The following PLEKHG2 variants were observed in gnomAD, a reference collection of about 807,000 sequenced individuals.
PLEKHG2 encodes pleckstrin homology domain-containing family G member 2.
Under a neutral mutation model 104.4 loss-of-function variants are expected in PLEKHG2, and 71 were observed. The ratio of observed to expected loss-of-function variants is 0.68; its 90% confidence interval spans 0.56 to 0.83. The LOEUF is 0.83. Ranked by LOEUF, PLEKHG2 falls within the 40% of genes least tolerant of loss-of-function variation. The pLI, the probability that PLEKHG2 is intolerant of heterozygous loss-of-function variation, is 0.00. For missense variants in PLEKHG2, 1,730 were observed against 1,809.4 expected (o/e 0.96, Z 0.80); for synonymous variants, 728 against 737.0 (o/e 0.99, Z 0.20).
Position 39,424,412 on chromosome 19 carries a change from C to T in PLEKHG2, c.3279C>T (p.Thr1093=), listed in dbSNP as rs957958845. The part of the protein sequence containing the change: ...SSLDPQGPGD[T]LPPLPCHLPD... Reference sequence around the variant, plus strand: ...TGGATCCCCAGGGCCCAGGCGACACCCTACCACCCTTGCCATGTCACCTCC... The same window carrying T: ...TGGATCCCCAGGGCCCAGGCGACACTCTACCACCCTTGCCATGTCACCTCC... The change falls in exon 19 of 19, where the codon ACC becomes ACT. Residue 1093 remains threonine (T), a synonymous_variant. Transcript: ENST00000425673. 1.2e-6 allele frequency: 2 copies of T among 1,614,132 alleles called. No individual in the cohort carries two copies. Among genetic ancestry groups the T allele is most frequent in the Non-Finnish European group, 1.7e-6 (2 of 1,180,026 alleles).
rs141423271 is a variant in PLEKHG2, at chr19:39,424,237, C to T, written c.3104C>T (p.Thr1035Ile). The T allele has an allele frequency of 7.4e-6, 12 of 1,614,192 alleles. No individual in the cohort carries two copies. Among genetic ancestry groups the T allele is most frequent in the South Asian group, 1.1e-5 (1 of 91,088 alleles). ...TGTTCTGATTTCACAGTTTCAGTCA[C>T]CACCCCTGTGCCCAAGCAAGAAGGT... ...EICSDFTVSVTTPVPKQEGHL... is the reference protein window; with the variant it reads ...EICSDFTVSVITPVPKQEGHL... The change falls in exon 19 of 19, where the codon ACC becomes ATC. Residue 1035 changes from threonine to isoleucine, a missense_variant. Physicochemically the swap from Thr to Ile is moderately conservative, Grantham distance 89. Transcript: ENST00000425673.
chr19:39,416,193 A>C lies in PLEKHG2; in HGVS notation c.480-155A>C, dbSNP rs2078599930. Among the ~76,000 whole-genome samples the C allele has an allele frequency of 6.6e-6, 1 of 152,092 alleles. No individual in the cohort carries two copies. The highest frequency in any genetic ancestry group is 2.4e-5 in the African/African-American group (1 of 41,400). Reference sequence around the variant, plus strand: ...TTACCATGCCCCGTGTAGCCCTCAGAGGACCCTTCCTCCGGACATGACATC... The same window carrying C: ...TTACCATGCCCCGTGTAGCCCTCAGCGGACCCTTCCTCCGGACATGACATC... On this transcript the variant is annotated intron_variant, in intron 4 of 18. Transcript: ENST00000425673. This position sits in a 1 kb window ranked among gnomAD's most constrained non-coding sequence, Gnocchi z 4.5.
intron 2 of PLEKHG2, among the ~76,000 whole-genome samples, chr19:39,414,591 GAGTGTAAGAAGAGGGGTGGC>G (rs1338962318): frequency 3.3e-5 from 5 of 152,364 alleles, no homozygotes; most frequent in African/African-American, 1.2e-4. Context: ...CTGGCATCCA[GAGTGTAAGAAGAGGGGTGGC>G]TGTGGGAAGA....
chr19:39,421,047 T>C, intron 14 of PLEKHG2, 28 bp from the exon 15 acceptor site: 1 of 1,614,024 alleles, frequency 6.2e-7, no homozygotes, highest in Non-Finnish European at 8.5e-7. Context: ...GGAGCTGGGC[T>C]CCTGACATCA....
chr19:39,418,033 C>T lies in PLEKHG2; in HGVS notation c.1011C>T (p.Leu337=). 6.4e-7 allele frequency: 1 copy of T among 1,556,708 alleles called. No individual in the cohort carries two copies. ...GPRLRGGERL[L]FLFSRMLLVA... is the part of the protein sequence containing the mutation. ...GGCTACGAGGGGGTGAGCGGCTGCT[C>T]TTCCTGTTCTCTCGGATGCTGCTGG... The change falls in exon 9 of 19, where the codon CTC becomes CTT. Residue 337 remains leucine, a synonymous_variant. Coordinates refer to ENST00000425673, the MANE Select transcript of PLEKHG2 (RefSeq NM_022835.3).
At position 39,423,875 on chromosome 19, in the gene PLEKHG2, C is replaced by T; in HGVS notation, c.2742C>T (p.Gly914=). The T allele has an allele frequency of 2.5e-6, 4 of 1,614,186 alleles. No homozygotes were observed. Among genetic ancestry groups the T allele is most frequent in the Middle Eastern group, 1.6e-4 (1 of 6,062 alleles). ...PLSKQGGSPD[G]QGLHVSNLPK... ...CAAAGCAGGGAGGCAGCCCGGATGG[C>T]CAGGGTCTACATGTTTCCAATTTGC... Residue 914 remains glycine, a synonymous_variant, in exon 19 of 19, where the codon GGC becomes GGT. Coordinates refer to ENST00000425673, the MANE Select transcript of PLEKHG2 (RefSeq NM_022835.3).
chr19:39,424,232 A>C lies in PLEKHG2; in HGVS notation c.3099A>C (p.Ser1033=). The C allele has an allele frequency of 8.1e-6, 13 of 1,614,118 alleles. No individual in the cohort carries two copies. Among genetic ancestry groups the C allele is most frequent in the Non-Finnish European group, 1.1e-5 (13 of 1,180,000 alleles). Residue 1033 remains serine, a synonymous_variant, in exon 19 of 19, where the codon TCA becomes TCC. Transcript: ENST00000425673. ...AGATTTGTTCTGATTTCACAGTTTC[A>C]GTCACCACCCCTGTGCCCAAGCAAG... ...PKEICSDFTV[S]VTTPVPKQEG... is the part of the protein sequence containing the mutation.
chr19:39,414,443 C>T lies in PLEKHG2; in HGVS notation c.109+248C>T, dbSNP rs537089926. Among the ~76,000 whole-genome samples the T allele has an allele frequency of 4.6e-5, 7 of 152,300 alleles. No individual in the cohort carries two copies. The East Asian group carries it at 5.8e-4, about 13-fold the overall frequency. ...AAGGTTCCTGGAGGTGGGAACATCT[C>T]AACTGGGAAGTGGAAGATTAGGGGG... On this transcript the variant is annotated intron_variant, in intron 2 of 18. Transcript: ENST00000425673.
chr19:39,414,138 G>T lies in PLEKHG2; in HGVS notation c.52G>T (p.Gly18Trp). ...CCTCTCCAAACCTAGCCCAAGCCTCGGGTGTGGCCGAAGAGGTGAAGTGTG... is the reference window on the plus strand; with the variant it reads ...CCTCTCCAAACCTAGCCCAAGCCTCTGGTGTGGCCGAAGAGGTGAAGTGTG... ...LSLSKPSPSLGCGRRGEVCDC... is the reference protein window; with the variant it reads ...LSLSKPSPSLWCGRRGEVCDC... The change falls in exon 2 of 19, where the codon GGG becomes TGG. Residue 18 changes from glycine (G) to tryptophan (W), a missense_variant. Coordinates refer to ENST00000425673, the MANE Select transcript of PLEKHG2 (RefSeq NM_022835.3). The T allele has an allele frequency of 6.4e-7, 1 of 1,551,514 alleles. No individual in the cohort carries two copies. The highest frequency in any genetic ancestry group is 1.2e-5 in the South Asian group (1 of 84,042).
At position 39,421,294 on chromosome 19, in the gene PLEKHG2, T is replaced by A; in HGVS notation, c.1498T>A (p.Phe500Ile). The A allele has an allele frequency of 6.2e-7, 1 of 1,613,800 alleles. No individual in the cohort carries two copies. Among genetic ancestry groups the A allele is most frequent in the Non-Finnish European group, 8.5e-7 (1 of 1,179,740 alleles). ...CTCTCCATCCTTAGCTAAGCCTGGA[T>A]TCAAGGTAAGAGATATCTCGAGATA... The part of the protein sequence containing the change: ...VMFPQNAKPG[F>I]KHAGSEGELY... The change falls in exon 16 of 19, where the codon TTC becomes ATC. Residue 500 changes from phenylalanine (F) to isoleucine (I), a missense_variant. Physicochemically the swap from Phe to Ile is conservative, Grantham distance 21. Transcript: ENST00000425673.
chr19:39,416,852 C>T lies in PLEKHG2; in HGVS notation c.596C>T (p.Ser199Phe). 1 of 1,603,600 alleles carries T rather than the reference C, an allele frequency of 6.2e-7. No homozygotes were observed. The highest frequency in any genetic ancestry group is 8.5e-7 in the Non-Finnish European group (1 of 1,175,542). Residue 199 changes from serine to phenylalanine, a missense_variant and splice_region_variant, in exon 7 of 19, where the codon TCC becomes TTC. Coordinates refer to ENST00000425673, the MANE Select transcript of PLEKHG2 (RefSeq NM_022835.3). The surrounding 1 kb of genome is among the most constrained non-coding windows in gnomAD (Gnocchi z 4.5). ...YTLYCMNYPSSLALLRELSLS... is the reference protein window; with the variant it reads ...YTLYCMNYPSFLALLRELSLS... ...ACTGACCTGTGCTGTGCCCCCAGCT[C>T]CCTGGCCCTGCTCCGGGAGCTGTCG...
In PLEKHG2 at chr19:39,416,933, C is replaced by G. The variant is rs763779951; in HGVS notation, c.677C>G (p.Ser226Trp). 66 of 1,613,420 alleles carry G rather than the reference C, an allele frequency of 4.1e-5. No individual in the cohort carries two copies. The East Asian group carries it at 1.4e-3, about 34-fold the overall frequency. ...LQERQAQLRH[S>W]LPLQSFLLKP... ...GAGCGCCAGGCCCAGCTTCGCCACTCGCTGCCCCTGCAGAGCTTCCTGCTG... is the reference window on the plus strand; with the variant it reads ...GAGCGCCAGGCCCAGCTTCGCCACTGGCTGCCCCTGCAGAGCTTCCTGCTG... Residue 226 changes from serine (S) to tryptophan (W), a missense_variant, in exon 7 of 19, where the codon TCG (serine) becomes TGG (tryptophan). Transcript: ENST00000425673. This position sits in a 1 kb window ranked among gnomAD's most constrained non-coding sequence, Gnocchi z 4.5.
chr19:39,420,906 C>T lies in PLEKHG2; in HGVS notation c.1400-43C>T, dbSNP rs760907602. On this transcript the variant is annotated intron_variant, in intron 13 of 18. Coordinates refer to ENST00000425673, the MANE Select transcript of PLEKHG2 (RefSeq NM_022835.3). ...CCCTCAGCCCCACTTCCCTAGGACC[C>T]GGGAGCTGGGCTCACACAGGGCTCT... is the stretch of plus-strand genomic sequence containing the variant. The T allele has an allele frequency of 1.1e-5, 18 of 1,613,830 alleles. No homozygotes were observed. In the Middle Eastern group the frequency reaches 6.6e-4, roughly 59 times the overall value.
Position 39,423,009 on chromosome 19 carries a change from A to C in PLEKHG2, c.1955A>C (p.Glu652Ala). ...PEIPSRCEIP[E>A]GSRLPSLSDI... Reference sequence around the variant, plus strand: ...ATTCCCAGCCGCTGTGAAATTCCCGAAGGTTCTCGCCTTCCTAGTCTCTCT... The same window carrying C: ...ATTCCCAGCCGCTGTGAAATTCCCGCAGGTTCTCGCCTTCCTAGTCTCTCT... Residue 652 changes from glutamate (E) to alanine (A), a missense_variant, in exon 18 of 19, where the codon GAA (glutamate) becomes GCA (alanine). Coordinates refer to ENST00000425673, the MANE Select transcript of PLEKHG2 (RefSeq NM_022835.3). 6.2e-7 allele frequency: 1 copy of C among 1,614,152 alleles called. No homozygotes were observed. Among genetic ancestry groups the C allele is most frequent in the Non-Finnish European group, 8.5e-7 (1 of 1,180,024 alleles).
chr19:39,418,880 C>T (rs970937296), intron 10 of PLEKHG2, 37 bp from the exon 11 acceptor site: 4 of 1,598,634 alleles, frequency 2.5e-6, no homozygotes, highest in Non-Finnish European at 3.4e-6. Flanking sequence ...CGAGACCTCA[C>T]ACCTGGCCCC....
At chr19:39,421,221 A>T in intron 15 of PLEKHG2, 62 bp from the exon 16 acceptor site, 1 of 1,612,442 alleles carries the variant, frequency 6.2e-7, no homozygotes, top group Non-Finnish European at 8.5e-7. Flanking sequence ...GTTATGGGGG[A>T]ATCACTCTTT....
chr19:39,421,370 C>A, intron 16 of PLEKHG2, 71 bp downstream of exon 16: 2 of 1,518,434 alleles, frequency 1.3e-6, no homozygotes, highest in Admixed American at 1.7e-5. Context: ...AGCTTGAGTT[C>A]CAAAATCCTG....
rs2078804453 is a variant in PLEKHG2, at chr19:39,428,243, T to C, written c.*2949T>C. 1 of 152,212 alleles carries C rather than the reference T, an allele frequency of 6.6e-6. No individual in the cohort carries two copies. The highest frequency in any genetic ancestry group is 6.5e-5 in the Admixed American group (1 of 15,270). 9.4% of individuals were successfully genotyped at this position (152,212 alleles called of 1,614,324 possible). ...TGAAATACATAAATAAATGTGCCTA[T>C]CCTGTGCCGGGTGCTGTTCTTGCCA... On this transcript the variant is annotated 3_prime_UTR_variant, in exon 19 of 19. Coordinates refer to ENST00000425673, the MANE Select transcript of PLEKHG2 (RefSeq NM_022835.3).
intron 10 of PLEKHG2, 25 bp downstream of exon 10, chr19:39,418,851 G>T: frequency 6.3e-7 from 1 of 1,599,090 alleles, no homozygotes. Context: ...GGATCAGGCT[G>T]GCAGGGATCC....
Sources: gnomAD v4.1 joint callset for allele counts (sites outside exome capture counted in the v4.1 genomes callset) on GRCh38, gnomAD v4.1.1 for gene constraint, Gnocchi (gnomAD v3.1) non-coding constraint, MANE v1.5 for transcripts, NCBI Gene and HGNC (gene_info 2026-07-23, HGNC 2026-07-21) for gene names.